The following CSMD1 variants were observed in gnomAD, a reference collection of about 807,000 sequenced individuals.
The protein encoded by CSMD1 is CUB and Sushi multiple domains 1, also known as CUB and sushi domain-containing protein 1.
A neutral mutation model predicts 417.5 loss-of-function variants in CSMD1; 213 were observed. The observed-to-expected ratio is 0.51, with a 90% CI of 0.46 to 0.57. The LOEUF is 0.57. Among genes scored for constraint, CSMD1 ranks in the 20% least tolerant of loss-of-function variants. The pLI is 0.00. For synonymous variants in CSMD1, 2,862 were observed against 1,736.8 expected (o/e 1.65, Z -16.11); for missense variants, 6,923 against 4,529.7 (o/e 1.53, Z -15.17).
At chr8:4,429,612 A>G (rs7015706) in intron 2 of CSMD1, among the ~76,000 whole-genome samples, 53,624 of 151,958 alleles carry the variant, frequency 0.35, 9,693 homozygotes, top group South Asian at 0.44. Context: ...AAGTTTAGAG[A>G]CTATTCCAGA....
chr8:3,663,120 T>TG (rs1798504039), intron 7 of CSMD1, among the ~76,000 whole-genome samples: 2 of 152,148 alleles, frequency 1.3e-5, no homozygotes, highest in East Asian at 3.9e-4. Context: ...CCTGAAGCAG[T>TG]GGGGGCCTCA....
intron 7 of CSMD1, among the ~76,000 whole-genome samples, chr8:3,691,229 A>C (rs1194993454): frequency 4.6e-5 from 7 of 152,086 alleles, no homozygotes; most frequent in Non-Finnish European, 1.5e-5. Context: ...TTAGCCGGGC[A>C]CGGTAACAGG....
At chr8:3,489,079 G>A (rs1451523147) in intron 11 of CSMD1, among the ~76,000 whole-genome samples, 2 of 152,264 alleles carry the variant, frequency 1.3e-5, no homozygotes, top group South Asian at 2.1e-4. Flanking sequence ...ACACACGTCT[G>A]TGCATAGTGT....
rs67468358 is a variant in CSMD1 at position 3,982,196 on chromosome 8, TAAA to T, written c.818+15704_818+15706del. On this transcript the variant is annotated intron_variant, in intron 5 of 69. Transcript: ENST00000635120. Reference sequence around the variant, plus strand: ...ATAATAATAATAATAATAATATTAATAAAAAAAATAATAATAATAAACTAGTTA... The same window carrying T: ...ATAATAATAATAATAATAATATTAATAAAAATAATAATAATAAACTAGTTA... Among the ~76,000 whole-genome samples the T allele has an allele frequency of 1.8e-3, 257 of 144,522 alleles. 2 individuals are homozygous for T. The highest frequency in any genetic ancestry group is 7.4e-3 in the Middle Eastern group (2 of 272). 94.8% of individuals were successfully genotyped at this position (144,522 alleles called of 152,430 possible). A position where few individuals can be genotyped will look rare whatever the true frequency, so the allele number is the denominator to read the frequency against.
At chr8:4,766,666 C>A (rs1049932453) in intron 1 of CSMD1, among the ~76,000 whole-genome samples, 3 of 152,188 alleles carry the variant, frequency 2.0e-5, no homozygotes, top group African/African-American at 7.2e-5. Context: ...TCCCATGGAG[C>A]CCATGGTGGC....
At chr8:4,328,858 A>G (rs773461965) in intron 3 of CSMD1, among the ~76,000 whole-genome samples, 1 of 152,358 alleles carries the variant, frequency 6.6e-6, no homozygotes, top group East Asian at 1.9e-4. Flanking sequence ...TAGAATAATT[A>G]TAACTGAAAC....
chr8:4,654,098 G>A (rs1448699942), intron 1 of CSMD1, among the ~76,000 whole-genome samples: 1 of 152,036 alleles, frequency 6.6e-6, no homozygotes, highest in Non-Finnish European at 1.5e-5. Context: ...CTTTCCCGGT[G>A]CAAACCAGGG....
chr8:3,040,116 T>A (rs1391900750), intron 50 of CSMD1, among the ~76,000 whole-genome samples: 2 of 152,052 alleles, frequency 1.3e-5, no homozygotes, highest in African/African-American at 4.8e-5. Context: ...CTCCTCCAAT[T>A]TCAGAGTGAG....
intron 5 of CSMD1, among the ~76,000 whole-genome samples, chr8:3,841,792 G>A (rs987517727): frequency 4.6e-5 from 7 of 151,858 alleles, no homozygotes; most frequent in East Asian, 2.0e-4. Flanking sequence ...TAGTAAATAC[G>A]TGCAAATCAG....
chr8:3,623,234 C>G (rs1036176936), intron 7 of CSMD1, among the ~76,000 whole-genome samples: 4 of 152,092 alleles, frequency 2.6e-5, no homozygotes, highest in East Asian at 3.9e-4. Flanking sequence ...TTTATAATAC[C>G]TCATTAGATC....
chr8:4,644,737 T>A (rs926444090), intron 1 of CSMD1, among the ~76,000 whole-genome samples: 2 of 152,200 alleles, frequency 1.3e-5, no homozygotes, highest in African/African-American at 4.8e-5. Flanking sequence ...CTTATAGCAT[T>A]TATAACTTTG....
In CSMD1 at chr8:3,935,325, T is replaced by C. The variant is rs202057797; in HGVS notation, c.818+62578A>G. ...TATCAGCATGAAACACTTATATATA[T>C]TAGTGATACTTGGTTGTTTCACTTA... On this transcript the variant is annotated intron_variant, in intron 5 of 69. Transcript: ENST00000635120. Among the ~76,000 whole-genome samples the C allele has an allele frequency of 7.2e-5, 11 of 152,234 alleles. No homozygotes were observed. The East Asian group carries it at 1.3e-3, about 19-fold the overall frequency.
chr8:4,238,479 T>TA (rs1802199934), intron 3 of CSMD1, among the ~76,000 whole-genome samples: 1 of 152,078 alleles, frequency 6.6e-6, no homozygotes, highest in African/African-American at 2.4e-5. Flanking sequence ...TGCCTTAGGG[T>TA]AAGGAGGCAC....
At chr8:3,042,296 A>T (rs1478884122) in intron 50 of CSMD1, among the ~76,000 whole-genome samples, 1 of 152,142 alleles carries the variant, frequency 6.6e-6, no homozygotes, top group East Asian at 1.9e-4. Context: ...TCCTTAGCTA[A>T]GGTACCAAAC....
chr8:3,852,939 T>C (rs1247362724), intron 5 of CSMD1, among the ~76,000 whole-genome samples: 1 of 152,162 alleles, frequency 6.6e-6, no homozygotes, highest in Non-Finnish European at 1.5e-5. Context: ...CCTCACTAAA[T>C]ATTGCTCCAT....
chr8:3,531,830 C>A (rs752103603), intron 10 of CSMD1, among the ~76,000 whole-genome samples: 1 of 152,182 alleles, frequency 6.6e-6, no homozygotes, highest in Non-Finnish European at 1.5e-5. Context: ...AGCAGTTGCA[C>A]AGAGAGAAAC....
At chr8:4,212,659 T>A (rs1800386730) in intron 3 of CSMD1, among the ~76,000 whole-genome samples, 1 of 151,778 alleles carries the variant, frequency 6.6e-6, no homozygotes, top group Non-Finnish European at 1.5e-5. Flanking sequence ...AAAGTACAAT[T>A]TTTAAAAATC....
chr8:3,420,154 A>C (rs562386031), intron 12 of CSMD1, among the ~76,000 whole-genome samples: 7 of 152,304 alleles, frequency 4.6e-5, no homozygotes, highest in African/African-American at 1.7e-4. Flanking sequence ...AGCCAAGCTA[A>C]GTCCTCAAAA....
rs374298345 is a variant in CSMD1, at chr8:4,348,693, T to A, written c.415+71260A>T. On this transcript the variant is annotated intron_variant, in intron 3 of 69. Transcript: ENST00000635120. The stretch of plus-strand genomic sequence containing the variant: ...AGACTCTTTTGCGTACATATCCGCT[T>A]AAGTGAATTTTATACCAGGAGAATT... Among the ~76,000 whole-genome samples the A allele has an allele frequency of 8.0e-4, 122 of 151,792 alleles. 2 individuals carry two copies. In the South Asian group the frequency reaches 0.025, roughly 31 times the overall value.
Sources: allele counts gnomAD v4.1 joint callset (sites outside exome capture counted in the v4.1 genomes callset), GRCh38; gene constraint gnomAD v4.1.1; transcripts MANE v1.5; gene names NCBI Gene and HGNC (gene_info 2026-07-23, HGNC 2026-07-21).